ADNP2: variants seen among roughly 807,000 people sequenced by gnomAD.
ADNP2 encodes ADNP homeobox 2.
A neutral mutation model predicts 16.4 loss-of-function variants in ADNP2; 8 were observed. The observed-to-expected ratio is 0.49, with a 90% CI of 0.29 to 0.88. ADNP2 has a LOEUF of 0.88. Ranked by LOEUF, ADNP2 falls within the 40% of genes least tolerant of loss-of-function variation. The pLI, the probability that ADNP2 is intolerant of heterozygous loss-of-function variation, is 0.09. For missense variants in ADNP2, 1,397 were observed against 1,395.1 expected, an observed-to-expected ratio of 1.00 and a Z score of -0.02; for synonymous variants, 637 against 545.8, an observed-to-expected ratio of 1.17 and a Z score of -2.33.
Position 80,137,012 on chromosome 18 carries a change from T to A in ADNP2, c.1599T>A (p.Pro533=), listed in dbSNP as rs1265371713. The A allele has an allele frequency of 1.9e-6, 3 of 1,614,010 alleles. No individual in the cohort carries two copies. In the African/African-American group the frequency reaches 4.0e-5, roughly 22 times the overall value. The change falls in exon 4 of 4, where the codon CCT becomes CCA. Residue 533 remains proline (P), a synonymous_variant. Coordinates refer to ENST00000262198, the MANE Select transcript of ADNP2 (RefSeq NM_014913.4). The surrounding 1 kb of genome is among the most constrained non-coding windows in gnomAD (Gnocchi z 4.2). ...CAGTCTCCTCCTCAGCTGTTGTGCCTGTAAACCAGGGTGTGAATTCTGGTG... is the reference window on the plus strand; with the variant it reads ...CAGTCTCCTCCTCAGCTGTTGTGCCAGTAAACCAGGGTGTGAATTCTGGTG... ...NQTVSSSAVV[P]VNQGVNSGVL... is the part of the protein sequence containing the mutation.
chr18:80,114,091 G>T (rs1479556868), intron 1 of ADNP2, among the ~76,000 whole-genome samples: 1 of 151,490 alleles, frequency 6.6e-6, no homozygotes, highest in Non-Finnish European at 1.5e-5. Context: ...TACTCATGAG[G>T]TTGAGGCAGG....
chr18:80,135,549 T>C (rs2052525966), intron 3 of ADNP2, 63 bp from the exon 4 acceptor site: 1 of 1,422,530 alleles, frequency 7.0e-7, no homozygotes, highest in Non-Finnish European at 9.6e-7. Flanking sequence ...CCTCAGGGAC[T>C]GTGGAAGGTT....
At chr18:80,125,929 C>T (rs2052455732) in intron 2 of ADNP2, among the ~76,000 whole-genome samples, 2 of 152,166 alleles carry the variant, frequency 1.3e-5, no homozygotes, top group South Asian at 2.1e-4. Context: ...GTATGAGAGA[C>T]TCTACAGGCA....
rs1131698 is a variant in ADNP2, at chr18:80,140,336, A to G, written c.*1527A>G. On this transcript the variant is annotated 3_prime_UTR_variant, in exon 4 of 4. Coordinates refer to ENST00000262198, the MANE Select transcript of ADNP2 (RefSeq NM_014913.4). ...TCTATTTTGAATTAAAATTTGTTAC[A>G]CCGCTGCAAATAGAACTGTTTAATT... 3.3e-5 allele frequency: 5 copies of G among 152,354 alleles called. No homozygotes were observed. Among genetic ancestry groups the G allele is most frequent in the African/African-American group, 1.2e-4 (5 of 41,294 alleles). The allele number at this position is 152,354 out of a possible 1,614,324, so 9.4% of individuals were successfully genotyped here.
At position 80,136,920 on chromosome 18, in the gene ADNP2, A is replaced by G; in HGVS notation, c.1507A>G (p.Thr503Ala). 6.2e-7 allele frequency: 1 copy of G among 1,614,062 alleles called. No individual in the cohort carries two copies. The highest frequency in any genetic ancestry group is 8.5e-7 in the Non-Finnish European group (1 of 1,179,992). Residue 503 changes from threonine to alanine, a missense_variant, in exon 4 of 4, where the codon ACA (threonine) becomes GCA (alanine). Thr to Ala is a moderately conservative substitution (Grantham distance 58). This residue lies in a region of ADNP2 where 777 missense variants were observed against 719.4 expected (regional missense o/e 1.08). Transcript: ENST00000262198. Reference sequence around the variant, plus strand: ...GTCACGGGTTCTTCCCCCAGGCCAGACAGCCCCATTGAGGGTTATCTCTGC... The same window carrying G: ...GTCACGGGTTCTTCCCCCAGGCCAGGCAGCCCCATTGAGGGTTATCTCTGC... ...APSRVLPPGQ[T>A]APLRVISAGQ...
intron 3 of ADNP2, among the ~76,000 whole-genome samples, chr18:80,134,836 GT>G (rs33981478): frequency 0.18 from 27,486 of 152,052 alleles, 2,752 homozygotes; most frequent in Middle Eastern, 0.25. Flanking sequence ...TTTCTTTACT[GT>G]TTTATCAGAT....
In ADNP2 at chr18:80,133,161, T is replaced by C; in HGVS notation, c.167T>C (p.Val56Ala). The change falls in exon 3 of 4, where the codon GTT (valine) becomes GCT (alanine). Residue 56 changes from valine to alanine, a missense_variant. Transcript: ENST00000262198. ...TTTCATAACACATCATGGGGTGATG[T>C]TTCTCTCTGGGAACCTTCTGGAAAG... is the stretch of plus-strand genomic sequence containing the variant. ...KYFHNTSWGDVSLWEPSGKKV... is the reference protein window; with the variant it reads ...KYFHNTSWGDASLWEPSGKKV... The C allele has an allele frequency of 6.2e-7, 1 of 1,613,758 alleles. No homozygotes were observed. The highest frequency in any genetic ancestry group is 8.5e-7 in the Non-Finnish European group (1 of 1,179,710).
chr18:80,135,156 CAG>C (rs1365900345), intron 3 of ADNP2, among the ~76,000 whole-genome samples: 1 of 152,132 alleles, frequency 6.6e-6, no homozygotes, highest in East Asian at 1.9e-4. Context: ...TGACTTAGAA[CAG>C]GGGTCAGCAA....
At chr18:80,115,074 T>C (rs2052380860) in intron 1 of ADNP2, among the ~76,000 whole-genome samples, 1 of 152,196 alleles carries the variant, frequency 6.6e-6, no homozygotes, top group Non-Finnish European at 1.5e-5. Flanking sequence ...GAGGGGGCAT[T>C]AGATGCTGCC....
In ADNP2 at chr18:80,117,640, A is replaced by G. The variant is rs553730644; in HGVS notation, c.98A>G (p.Glu33Gly). ...LVDIGLDSCKELLKDLKGFDP... is the reference protein window; with the variant it reads ...LVDIGLDSCKGLLKDLKGFDP... ...GATATTGGGCTTGACAGCTGCAAGG[A>G]GTTACTGAAGGTAAGAGGACGTAAG... is the stretch of plus-strand genomic sequence containing the variant. The change falls in exon 2 of 4, where the codon GAG becomes GGG. Residue 33 changes from glutamate (E) to glycine (G), a missense_variant. Transcript: ENST00000262198. The G allele has an allele frequency of 4.4e-6, 7 of 1,602,440 alleles. No homozygotes were observed. In the Admixed American group the frequency reaches 7.1e-5, roughly 16 times the overall value.
Position 80,136,461 on chromosome 18 carries a change from C to G in ADNP2, c.1048C>G (p.Pro350Ala). 1 of 1,614,244 alleles carries G rather than the reference C, an allele frequency of 6.2e-7. No homozygotes were observed. Among genetic ancestry groups the G allele is most frequent in the East Asian group, 2.2e-5 (1 of 44,880 alleles). ...CCAGAACAGCCTCACCCTGCAGCCCCCAGCACCTCAGCCCGTCTTTCTTTC... is the reference window on the plus strand; with the variant it reads ...CCAGAACAGCCTCACCCTGCAGCCCGCAGCACCTCAGCCCGTCTTTCTTTC... The part of the protein sequence containing the change: ...VGQNSLTLQP[P>A]APQPVFLSHG... The change falls in exon 4 of 4, where the codon CCA becomes GCA. Residue 350 changes from proline (P) to alanine (A), a missense_variant. Physicochemically the swap from Pro to Ala is conservative, Grantham distance 27. Coordinates refer to ENST00000262198, the MANE Select transcript of ADNP2 (RefSeq NM_014913.4).
At position 80,137,317 on chromosome 18, in the gene ADNP2, C is replaced by G. The variant is rs754310754; in HGVS notation, c.1904C>G (p.Ala635Gly). ...PVPPGGLATV[A>G]PPQMPIQLLP... ...CCCCCTGGAGGCCTTGCGACTGTCG[C>G]TCCGCCCCAGATGCCCATCCAGCTC... The change falls in exon 4 of 4, where the codon GCT becomes GGT. Residue 635 changes from alanine to glycine, a missense_variant. Physicochemically the swap from Ala to Gly is moderately conservative, Grantham distance 60. This residue lies in a region of ADNP2 where 611 missense variants were observed against 648.7 expected (regional missense o/e 0.94). Coordinates refer to ENST00000262198, the MANE Select transcript of ADNP2 (RefSeq NM_014913.4). This position sits in a 1 kb window ranked among gnomAD's most constrained non-coding sequence, Gnocchi z 4.2. The G allele has an allele frequency of 1.4e-5, 22 of 1,613,994 alleles. No individual in the cohort carries two copies. Among genetic ancestry groups the G allele is most frequent in the Non-Finnish European group, 1.8e-5 (21 of 1,179,926 alleles).
chr18:80,116,885 T>A (rs1325302761), intron 1 of ADNP2, among the ~76,000 whole-genome samples: 1 of 152,186 alleles, frequency 6.6e-6, no homozygotes, highest in Non-Finnish European at 1.5e-5. Flanking sequence ...GTCTGCCTGA[T>A]CTGTGTACCT....
intron 2 of ADNP2, among the ~76,000 whole-genome samples, chr18:80,124,540 G>T (rs2052445787): frequency 2.0e-5 from 3 of 152,158 alleles, no homozygotes; most frequent in Admixed American, 2.0e-4. Flanking sequence ...CCCTCCGCGG[G>T]TACTCAACCC....
intron 2 of ADNP2, among the ~76,000 whole-genome samples, chr18:80,125,769 C>A (rs776469255): frequency 6.6e-6 from 1 of 152,284 alleles, no homozygotes; most frequent in Non-Finnish European, 1.5e-5. Context: ...CATGATTACA[C>A]CACTGCACTC....
chr18:80,134,093 C>A (rs2052515776), intron 3 of ADNP2, among the ~76,000 whole-genome samples: 1 of 152,138 alleles, frequency 6.6e-6, no homozygotes, highest in Admixed American at 6.5e-5. Context: ...TTGCAAGTTT[C>A]CTTGAAACCA....
At position 80,138,611 on chromosome 18, in the gene ADNP2, A is replaced by G. The variant is rs764605976; in HGVS notation, c.3198A>G (p.Pro1066=). 2 of 1,608,796 alleles carry G rather than the reference A, an allele frequency of 1.2e-6. No homozygotes were observed. Among genetic ancestry groups the G allele is most frequent in the South Asian group, 2.2e-5 (2 of 89,324 alleles). The part of the protein sequence containing the change: ...QFLKDYFHKK[P]YPSKKEIELL... ...TTAAAGATTATTTCCATAAGAAACC[A>G]TATCCTAGTAAAAAGGAAATAGAAC... Residue 1066 remains proline, a synonymous_variant, in exon 4 of 4, where the codon CCA becomes CCG. Transcript: ENST00000262198.
Position 80,135,680 on chromosome 18 carries a change from G to T in ADNP2, c.267G>T (p.Lys89Asn). The T allele has an allele frequency of 6.2e-7, 1 of 1,614,182 alleles. No individual in the cohort carries two copies. The highest frequency in any genetic ancestry group is 8.5e-7 in the Non-Finnish European group (1 of 1,180,032). Residue 89 changes from lysine to asparagine, a missense_variant, in exon 4 of 4, where the codon AAG (lysine) becomes AAT (asparagine). Coordinates refer to ENST00000262198, the MANE Select transcript of ADNP2 (RefSeq NM_014913.4). ...KYSTKVLTSFKNHLHRYHEDE... is the reference protein window; with the variant it reads ...KYSTKVLTSFNNHLHRYHEDE... The stretch of plus-strand genomic sequence containing the variant: ...CTACAAAGGTGCTTACTTCATTCAA[G>T]AATCATTTACATCGTTACCATGAAG...
chr18:80,135,890 A>G lies in ADNP2; in HGVS notation c.477A>G (p.Lys159=), dbSNP rs1287368173. The change falls in exon 4 of 4, where the codon AAA becomes AAG. Residue 159 remains lysine, a synonymous_variant. Coordinates refer to ENST00000262198, the MANE Select transcript of ADNP2 (RefSeq NM_014913.4). Reference sequence around the variant, plus strand: ...ATGTGATAAGTTTCACATGTCTAAAATGTAACTTTTCAAACACTTTGTACT... The same window carrying G: ...ATGTGATAAGTTTCACATGTCTAAAGTGTAACTTTTCAAACACTTTGTACT... ...RSDVISFTCL[K]CNFSNTLYYS... The G allele has an allele frequency of 5.0e-6, 8 of 1,614,140 alleles. No individual in the cohort carries two copies. Among genetic ancestry groups the G allele is most frequent in the African/African-American group, 2.7e-5 (2 of 74,952 alleles).
Sources: gnomAD v4.1 joint callset for allele counts (sites outside exome capture counted in the v4.1 genomes callset) on GRCh38, gnomAD v4.1.1 for gene constraint, gnomAD v4.1.1 regional missense constraint, Gnocchi (gnomAD v3.1) non-coding constraint, MANE v1.5 for transcripts, NCBI Gene and HGNC (gene_info 2026-07-23, HGNC 2026-07-21) for gene names.